ADGRG6: variants seen among roughly 807,000 people sequenced by gnomAD.
The protein encoded by ADGRG6 is adhesion G protein-coupled receptor G6.
Under a neutral mutation model 142.4 loss-of-function variants are expected in ADGRG6, and 84 were observed. That is an observed-to-expected ratio of 0.59 (90% CI 0.49 to 0.71). The LOEUF (loss-of-function observed/expected upper bound fraction) is 0.71, where lower values mean the gene tolerates loss of function less well. Among genes scored for constraint, ADGRG6 ranks in the 30% least tolerant of loss-of-function variants. The probability of loss-of-function intolerance (pLI) is 0.00; values close to 1 mark genes in which losing one functional copy is unlikely to be tolerated. For synonymous variants in ADGRG6, 521 were observed against 520.5 expected (o/e 1.00, Z -0.01); for missense variants, 1,367 against 1,466.6 (o/e 0.93, Z 1.11).
chr6:142,326,542 A>G (rs933030059), intron 2 of ADGRG6, among the ~76,000 whole-genome samples: 1 of 149,866 alleles, frequency 6.7e-6, no homozygotes, highest in Non-Finnish European at 1.5e-5. Flanking sequence ...TTTGGTCTTG[A>G]ATATGGTTCA....
intron 3 of ADGRG6, among the ~76,000 whole-genome samples, chr6:142,369,714 G>A (rs1232295516): frequency 6.6e-6 from 1 of 152,174 alleles, no homozygotes; most frequent in East Asian, 1.9e-4. Flanking sequence ...GGAATGTTTG[G>A]AAAGAGTGAA....
chr6:142,355,397 C>G (rs1307473333), intron 2 of ADGRG6, among the ~76,000 whole-genome samples: 1 of 151,982 alleles, frequency 6.6e-6, no homozygotes, highest in East Asian at 1.9e-4. Flanking sequence ...TAGAACATCC[C>G]TACTTGATAT....
At chr6:142,360,025 T>C (rs368763294) in intron 2 of ADGRG6, among the ~76,000 whole-genome samples, 6 of 152,176 alleles carry the variant, frequency 3.9e-5, no homozygotes, top group African/African-American at 1.4e-4. Flanking sequence ...AACCTTAAAC[T>C]ACAGGACCTT....
chr6:142,345,258 T>G (rs1779840917), intron 2 of ADGRG6, among the ~76,000 whole-genome samples: 1 of 152,092 alleles, frequency 6.6e-6, no homozygotes, highest in Admixed American at 6.6e-5. Context: ...TTCTTTAGTT[T>G]TCAATTAGGA....
chr6:142,411,001 T>G (rs1776051421), intron 17 of ADGRG6, among the ~76,000 whole-genome samples: 1 of 152,126 alleles, frequency 6.6e-6, no homozygotes, highest in South Asian at 2.1e-4. Flanking sequence ...AAAATGAGTC[T>G]TCTTTTTGTG....
chr6:142,438,473 G>A (rs1478842755), intron 24 of ADGRG6, 109 bp downstream of exon 24: 1 of 584,006 alleles, frequency 1.7e-6, no homozygotes. Flanking sequence ...GCATCTTTTA[G>A]ATTTATGAAA....
intron 4 of ADGRG6, among the ~76,000 whole-genome samples, chr6:142,374,550 A>G (rs1261638908): frequency 1.3e-5 from 2 of 152,104 alleles, no homozygotes; most frequent in Admixed American, 6.6e-5. Context: ...GCCCTTAGCA[A>G]CCCCTTATTC....
At chr6:142,413,845 T>C (rs150969817) in intron 18 of ADGRG6, among the ~76,000 whole-genome samples, 2 of 152,040 alleles carry the variant, frequency 1.3e-5, no homozygotes, top group African/African-American at 4.8e-5. Context: ...GCAGAGATAC[T>C]GTACCTGTTC....
Position 142,397,766 on chromosome 6 carries a change from A to G in ADGRG6, c.1567+11A>G, listed in dbSNP as rs961947671. On this transcript the variant is annotated intron_variant, in intron 10 of 24. Transcript: ENST00000367609. ...ATGTGAGACAACTGGGTAAGTGACTAATTTTTTTATAATATGCATTTTATA... is the reference window on the plus strand; with the variant it reads ...ATGTGAGACAACTGGGTAAGTGACTGATTTTTTTATAATATGCATTTTATA... 8 of 1,519,368 alleles carry G rather than the reference A, an allele frequency of 5.3e-6. No individual in the cohort carries two copies. The Admixed American group carries it at 7.3e-5, about 14-fold the overall frequency. The allele number at this position is 1,519,368 out of a possible 1,614,324, so 94.1% of individuals were successfully genotyped here. A position where few individuals can be genotyped will look rare whatever the true frequency, so the allele number is the denominator to read the frequency against.
chr6:142,313,781 T>C (rs778309669), intron 2 of ADGRG6, among the ~76,000 whole-genome samples: 12 of 152,194 alleles, frequency 7.9e-5, no homozygotes, highest in African/African-American at 1.7e-4. Flanking sequence ...TCAACAATTA[T>C]TATTTAGTAT....
intron 2 of ADGRG6, among the ~76,000 whole-genome samples, chr6:142,342,568 A>G (rs1779709161): frequency 6.6e-6 from 1 of 152,116 alleles, no homozygotes; most frequent in East Asian, 1.9e-4. Flanking sequence ...AGAAGTTTTC[A>G]TAGTTAACTG....
rs1356147092 is a variant in ADGRG6 at position 142,364,157 on chromosome 6, A to G, written c.104-3412A>G. Among the ~76,000 whole-genome samples, 5 of 152,246 alleles carry G rather than the reference A, an allele frequency of 3.3e-5. No individual in the cohort carries two copies. The South Asian group carries it at 8.3e-4, about 25-fold the overall frequency. ...TGTTTCCTCTAAAGATAGAGGTGGT[A>G]ATAATTCTCAGGGTTATTATAATGT... is the stretch of plus-strand genomic sequence containing the variant. On this transcript the variant is annotated intron_variant, in intron 2 of 24. Coordinates refer to ENST00000367609, the MANE Select transcript of ADGRG6 (RefSeq NM_198569.3).
In ADGRG6 at chr6:142,318,499, A is replaced by G. The variant is rs148355821; in HGVS notation, c.103+8855A>G. Among the ~76,000 whole-genome samples the G allele has an allele frequency of 4.2e-4, 61 of 143,618 alleles. 2 individuals are homozygous for G. The East Asian group carries it at 0.011, about 25-fold the overall frequency. 94.2% of individuals were successfully genotyped at this position (143,618 alleles called of 152,430 possible). On this transcript the variant is annotated intron_variant, in intron 2 of 24. Transcript: ENST00000367609. ...AAGCTAAATCATTGCCTTTAATGTT[A>G]AGGAATTTTAGTGTTATTGGGGAGA... is the stretch of plus-strand genomic sequence containing the variant.
At chr6:142,440,713 C>T (rs1335922774) in intron 24 of ADGRG6, among the ~76,000 whole-genome samples, 1 of 152,154 alleles carries the variant, frequency 6.6e-6, no homozygotes, top group East Asian at 1.9e-4. Flanking sequence ...TATGGCATTA[C>T]TTCAATGTTA....
intron 2 of ADGRG6, among the ~76,000 whole-genome samples, chr6:142,349,152 A>C (rs1162725257): frequency 6.6e-6 from 1 of 152,212 alleles, no homozygotes; most frequent in Non-Finnish European, 1.5e-5. Flanking sequence ...ACATTTCTTT[A>C]TGAGCTTCCT....
In ADGRG6 at chr6:142,370,685, A is replaced by C; in HGVS notation, c.961A>C (p.Ile321Leu). 6.2e-7 allele frequency: 1 copy of C among 1,613,836 alleles called. No homozygotes were observed. Among genetic ancestry groups the C allele is most frequent in the Non-Finnish European group, 8.5e-7 (1 of 1,179,754 alleles). Residue 321 changes from isoleucine (I) to leucine (L), a missense_variant, in exon 4 of 25, where the codon ATC becomes CTC. By Grantham distance (5) the Ile-to-Leu change is conservative. Transcript: ENST00000367609. Reference sequence around the variant, plus strand: ...TTGGAATTTTACCATGAATGCCAAAATCCTCTCCAACCTCAGCTGTAATGT... The same window carrying C: ...TTGGAATTTTACCATGAATGCCAAACTCCTCTCCAACCTCAGCTGTAATGT... Reference protein sequence around the residue: ...RLWNFTMNAKILSNLSCNVKG... With the variant: ...RLWNFTMNAKLLSNLSCNVKG...
At chr6:142,349,107 A>G (rs1012552848) in intron 2 of ADGRG6, among the ~76,000 whole-genome samples, 17 of 152,198 alleles carry the variant, frequency 1.1e-4, no homozygotes, top group Admixed American at 2.6e-4. Flanking sequence ...TCTCACTTCA[A>G]TACTGTTTTC....
chr6:142,369,476 T>G (rs1405571938), intron 3 of ADGRG6, among the ~76,000 whole-genome samples: 1 of 152,110 alleles, frequency 6.6e-6, no homozygotes, highest in Non-Finnish European at 1.5e-5. Context: ...ATACCCAGGG[T>G]CACATGGCCA....
At position 142,411,420 on chromosome 6, in the gene ADGRG6, G is replaced by A. The variant is rs1342518186; in HGVS notation, c.2541+9G>A. On this transcript the variant is annotated intron_variant, in intron 18 of 24. Transcript: ENST00000367609. Reference sequence around the variant, plus strand: ...ACTTTGGAGTTCTGATGGTAAGGGGGGAATTTCTAAGCTCATTTTGACATG... The same window carrying A: ...ACTTTGGAGTTCTGATGGTAAGGGGAGAATTTCTAAGCTCATTTTGACATG... 5 of 1,383,582 alleles carry A rather than the reference G, an allele frequency of 3.6e-6. No individual in the cohort carries two copies. The South Asian group carries it at 5.8e-5, about 16-fold the overall frequency. The allele number at this position is 1,383,582 out of a possible 1,614,324, so 85.7% of individuals were successfully genotyped here.
Sources: gnomAD v4.1 joint callset for allele counts (sites outside exome capture counted in the v4.1 genomes callset) on GRCh38, gnomAD v4.1.1 for gene constraint, MANE v1.5 for transcripts, NCBI Gene and HGNC (gene_info 2026-07-23, HGNC 2026-07-21) for gene names.